Variants in MTCL3 observed in about 807,000 individuals in gnomAD.
MTCL3 encodes the protein MTCL family member 3.
the MTCL3 span, among the ~76,000 whole-genome samples, chr6:127,512,631 A>G: frequency 5.1e-4 from 78 of 152,332 alleles, no homozygotes; most frequent in African/African-American, 1.8e-3. Context: ...TTTAATTAAC[A>G]TACATTTAGA....
chr6:127,508,855 C>T, the MTCL3 span, among the ~76,000 whole-genome samples: 8,829 of 152,202 alleles, frequency 0.058, 534 homozygotes, highest in African/African-American at 0.14. Context: ...GCTACAGCAG[C>T]GGAACCTCAT....
At chr6:127,482,804 T>G in the MTCL3 span, 2 of 774,674 alleles carry the variant, frequency 2.6e-6, no homozygotes, top group Non-Finnish European at 3.9e-6. The surrounding 1 kb of genome is among the most constrained non-coding windows in gnomAD (Gnocchi z 4.1). Context: ...AAATTTGACT[T>G]TGTTTTGCAT....
the MTCL3 span, among the ~76,000 whole-genome samples, chr6:127,485,061 G>A: frequency 1.3e-5 from 2 of 152,156 alleles, no homozygotes; most frequent in African/African-American, 4.8e-5. Flanking sequence ...ATAAGCTAAA[G>A]TTTGCAAATG....
At chr6:127,483,266 T>C in the MTCL3 span, among the ~76,000 whole-genome samples, 33 of 152,322 alleles carry the variant, frequency 2.2e-4, no homozygotes, top group African/African-American at 7.2e-4. Context: ...ACAAAATTGA[T>C]TGTTGACTCA....
chr6:127,497,970 A>C, the MTCL3 span, among the ~76,000 whole-genome samples: 2 of 152,132 alleles, frequency 1.3e-5, no homozygotes, highest in African/African-American at 4.8e-5. Context: ...ATCTGAATGT[A>C]AGAGCTAAAT....
the MTCL3 span, among the ~76,000 whole-genome samples, chr6:127,493,203 A>C: frequency 2.0e-5 from 3 of 152,172 alleles, no homozygotes; most frequent in Non-Finnish European, 4.4e-5. Flanking sequence ...AAAATTTCCT[A>C]CTTATGTAAA....
the MTCL3 span, among the ~76,000 whole-genome samples, chr6:127,507,272 A>G: frequency 6.6e-6 from 1 of 152,226 alleles, no homozygotes; most frequent in East Asian, 1.9e-4. Context: ...TATAGTTTCA[A>G]TAATATGAAG....
chr6:127,507,760 G>A, the MTCL3 span, among the ~76,000 whole-genome samples: 2 of 146,636 alleles, frequency 1.4e-5, no homozygotes, highest in East Asian at 2.0e-4. Context: ...GTAGAATGGC[G>A]AGAACCCAGG....
At chr6:127,499,135 G>C in the MTCL3 span, among the ~76,000 whole-genome samples, 2 of 152,106 alleles carry the variant, frequency 1.3e-5, no homozygotes, top group African/African-American at 2.4e-5. Context: ...AAAAGAAAAA[G>C]ATCCCCCAAA....
chr6:127,476,497 TAGG>T, the MTCL3 span: 2 of 1,502,978 alleles, frequency 1.3e-6, no homozygotes, highest in Non-Finnish European at 1.8e-6. This position sits in a 1 kb window ranked among gnomAD's most constrained non-coding sequence, Gnocchi z 4.4. Flanking sequence ...GGGAAAAGGA[TAGG>T]AGATCATTTT....
the MTCL3 span, chr6:127,473,296 CAG>C: frequency 6.5e-7 from 1 of 1,533,728 alleles, no homozygotes; most frequent in Non-Finnish European, 8.7e-7. Flanking sequence ...GTACAAAAAA[CAG>C]TGTAAAAAGG....
the MTCL3 span, chr6:127,515,526 G>A: frequency 6.9e-7 from 1 of 1,450,632 alleles, no homozygotes; most frequent in Non-Finnish European, 9.0e-7. The surrounding 1 kb of genome is among the most constrained non-coding windows in gnomAD (Gnocchi z 4.3). Context: ...TGAGAGTCTC[G>A]TTTTCCTCTC....
chr6:127,476,270 C>CGGCCTCCCTAGTGCTGGGAG, the MTCL3 span: 1 of 1,614,186 alleles, frequency 6.2e-7, no homozygotes, highest in South Asian at 1.1e-5. This position sits in a 1 kb window ranked among gnomAD's most constrained non-coding sequence, Gnocchi z 4.4. Flanking sequence ...AGCTTGAGCT[C>CGGCCTCCCTAGTGCTGGGAG]GGCCTCCCTA....
At chr6:127,474,323 G>A in the MTCL3 span, among the ~76,000 whole-genome samples, 2 of 151,960 alleles carry the variant, frequency 1.3e-5, no homozygotes, top group African/African-American at 4.8e-5. Flanking sequence ...TGTCGCCTAG[G>A]CTGGAGGGCA....
the MTCL3 span, among the ~76,000 whole-genome samples, chr6:127,506,010 G>A: frequency 6.6e-6 from 1 of 152,116 alleles, no homozygotes; most frequent in African/African-American, 2.4e-5. Context: ...AGCTTCGAGA[G>A]CACTCAGTTT....
At chr6:127,489,781 T>C in the MTCL3 span, among the ~76,000 whole-genome samples, 2 of 152,214 alleles carry the variant, frequency 1.3e-5, no homozygotes, top group African/African-American at 2.4e-5. Context: ...TGGGCATTGG[T>C]ACATGAGGTT....
At chr6:127,487,374 TCAGC>T in the MTCL3 span, among the ~76,000 whole-genome samples, 1 of 152,138 alleles carries the variant, frequency 6.6e-6, no homozygotes, top group Non-Finnish European at 1.5e-5. Context: ...AACACAGGGA[TCAGC>T]AGAAGTGACA....
the MTCL3 span, among the ~76,000 whole-genome samples, chr6:127,489,183 C>T: frequency 6.6e-6 from 1 of 152,096 alleles, no homozygotes; most frequent in African/African-American, 2.4e-5. Flanking sequence ...GATGAATGAT[C>T]TTTGATGTTA....
the MTCL3 span, among the ~76,000 whole-genome samples, chr6:127,488,999 C>T: frequency 6.6e-6 from 1 of 152,200 alleles, no homozygotes; most frequent in African/African-American, 2.4e-5. Context: ...TTGTACTTCA[C>T]AGATACCACA....
Sources: gnomAD v4.1 joint callset for allele counts (sites outside exome capture counted in the v4.1 genomes callset) on GRCh38, gnomAD v4.1.1 for gene constraint, Gnocchi (gnomAD v3.1) non-coding constraint, MANE v1.5 for transcripts, NCBI Gene and HGNC (gene_info 2026-07-23, HGNC 2026-07-21) for gene names.